ITSN1: variants seen among roughly 807,000 people sequenced by gnomAD.
ITSN1 encodes intersectin-1.
In ITSN1, 58 loss-of-function variants were observed where a neutral mutation model predicts 239.8. That is an observed-to-expected ratio of 0.24 (90% CI 0.20 to 0.30). ITSN1 has a LOEUF of 0.30. Ranked by LOEUF, ITSN1 falls within the 10% of genes least tolerant of loss-of-function variation. ITSN1 has a pLI of 1.00. For synonymous variants in ITSN1, 780 were observed against 770.8 expected (o/e 1.01, Z -0.20); for missense variants, 1,558 against 2,103.3 (o/e 0.74, Z 5.07).
intron 5 of ITSN1, among the ~76,000 whole-genome samples, chr21:33,736,692 A>G (rs1040133586): frequency 1.3e-5 from 2 of 152,198 alleles, no homozygotes; most frequent in Admixed American, 6.5e-5. Flanking sequence ...AAAATAATTC[A>G]AGGGTGTTTG....
intron 1 of ITSN1, among the ~76,000 whole-genome samples, chr21:33,664,413 A>G (rs1036515486): frequency 6.6e-6 from 1 of 152,168 alleles, no homozygotes; most frequent in Non-Finnish European, 1.5e-5. Context: ...CAGCCAGCTC[A>G]TGTGAGAACT....
chr21:33,671,685 C>T (rs376955942), intron 1 of ITSN1, among the ~76,000 whole-genome samples: 21 of 151,694 alleles, frequency 1.4e-4, no homozygotes, highest in Admixed American at 6.6e-4. Context: ...GCCTGTAATC[C>T]GAGCTACTCA....
rs950873983 is a variant in ITSN1, at chr21:33,799,839, A to G, written c.2214A>G (p.Glu738=). ...EKGPLTISAQ[E]NVKVVYYRAL... ...GTCCACTTACCATTTCTGCACAGGA[A>G]AATGTAAAAGTGGTGTATTACCGGG... Residue 738 remains glutamate (E), a synonymous_variant, in exon 19 of 40, where the codon GAA becomes GAG. Transcript: ENST00000381318. 2.5e-6 allele frequency: 4 copies of G among 1,614,034 alleles called. No individual in the cohort carries two copies. The highest frequency in any genetic ancestry group is 2.5e-6 in the Non-Finnish European group (3 of 1,179,956).
intron 28 of ITSN1, among the ~76,000 whole-genome samples, chr21:33,834,791 C>A (rs1294976145): frequency 1.3e-5 from 2 of 151,372 alleles, no homozygotes; most frequent in Non-Finnish European, 2.9e-5. Flanking sequence ...CGGCTGGGGT[C>A]TCAGTAGGTC....
chr21:33,743,390 C>T (rs1601953128), intron 5 of ITSN1, among the ~76,000 whole-genome samples: 2 of 152,150 alleles, frequency 1.3e-5, no homozygotes, highest in Non-Finnish European at 2.9e-5. Flanking sequence ...CGCTTGAACC[C>T]GGGAGGCAGA....
At position 33,870,181 on chromosome 21, in the gene ITSN1, T is replaced by A. The variant is rs191439577; in HGVS notation, c.4173+2850T>A. Among the ~76,000 whole-genome samples the A allele has an allele frequency of 2.6e-5, 4 of 152,346 alleles. 1 individual carries two copies. Among genetic ancestry groups the A allele is most frequent in the Admixed American group, 2.6e-4 (4 of 15,306 alleles). Reference sequence around the variant, plus strand: ...CTTTGGCTGAGTTAAATACTTAGTTTTGAAGTAAGTTTTCAACTTACTGTT... The same window carrying A: ...CTTTGGCTGAGTTAAATACTTAGTTATGAAGTAAGTTTTCAACTTACTGTT... On this transcript the variant is annotated intron_variant, in intron 33 of 39. Transcript: ENST00000381318.
intron 16 of ITSN1, among the ~76,000 whole-genome samples, chr21:33,790,344 A>G (rs1278649083): frequency 6.6e-6 from 1 of 151,716 alleles, no homozygotes; most frequent in Non-Finnish European, 1.5e-5. Context: ...TTTTTTCTGC[A>G]TAAGTATTTG....
chr21:33,804,708 T>C lies in ITSN1; in HGVS notation c.2319+2264T>C, dbSNP rs1376133793. Among the ~76,000 whole-genome samples, 3 of 152,210 alleles carry C rather than the reference T, an allele frequency of 2.0e-5. No individual in the cohort carries two copies. The East Asian group carries it at 5.8e-4, about 29-fold the overall frequency. On this transcript the variant is annotated intron_variant, in intron 20 of 39. Coordinates refer to ENST00000381318, the MANE Select transcript of ITSN1 (RefSeq NM_003024.3). Reference sequence around the variant, plus strand: ...ACATAAGAAATGAGAAGACCTATGCTCACTGCTGTTTTGTTGAAGTTTATC... The same window carrying C: ...ACATAAGAAATGAGAAGACCTATGCCCACTGCTGTTTTGTTGAAGTTTATC...
At chr21:33,771,587 A>G (rs548376829) in intron 11 of ITSN1, among the ~76,000 whole-genome samples, 6 of 152,240 alleles carry the variant, frequency 3.9e-5, no homozygotes, top group Non-Finnish European at 5.9e-5. Flanking sequence ...TGTGATCTCC[A>G]TAGGGATCAG....
intron 7 of ITSN1, among the ~76,000 whole-genome samples, chr21:33,754,834 G>A (rs2147534487): frequency 6.6e-6 from 1 of 152,266 alleles, no homozygotes; most frequent in South Asian, 2.1e-4. Flanking sequence ...ATTAAGAAAT[G>A]GGTCCTGTAT....
intron 33 of ITSN1, among the ~76,000 whole-genome samples, chr21:33,870,255 C>CT (rs1322705722): frequency 2.0e-5 from 3 of 152,296 alleles, no homozygotes; most frequent in South Asian, 2.1e-4. Context: ...CAGTACTTCT[C>CT]TTTTTTCTCC....
intron 16 of ITSN1, among the ~76,000 whole-genome samples, chr21:33,792,857 A>C (rs2186281): frequency 0.16 from 24,442 of 151,906 alleles, 2,682 homozygotes; most frequent in African/African-American, 0.28. Context: ...TAGGTTCCCT[A>C]CTGAAGCCCC....
At chr21:33,654,351 T>C (rs2088844868) in intron 1 of ITSN1, among the ~76,000 whole-genome samples, 1 of 151,886 alleles carries the variant, frequency 6.6e-6, no homozygotes, top group African/African-American at 2.4e-5. Flanking sequence ...CCGCTGCACC[T>C]GGCCTTTGAT....
At chr21:33,662,394 T>G (rs2089627183) in intron 1 of ITSN1, among the ~76,000 whole-genome samples, 1 of 152,212 alleles carries the variant, frequency 6.6e-6, no homozygotes, top group African/African-American at 2.4e-5. Flanking sequence ...ACATCCCTCT[T>G]GTGACTTAAA....
chr21:33,887,609 T>C (rs1280646279), intron 39 of ITSN1, among the ~76,000 whole-genome samples: 1 of 149,234 alleles, frequency 6.7e-6, no homozygotes, highest in Non-Finnish European at 1.5e-5. Flanking sequence ...ATTTTTTTTA[T>C]TTATTTATCT....
intron 26 of ITSN1, among the ~76,000 whole-genome samples, chr21:33,827,478 G>C (rs11702799): frequency 1.3e-5 from 2 of 152,066 alleles, no homozygotes; most frequent in African/African-American, 4.8e-5. Flanking sequence ...ATAATACATG[G>C]AGCTGTAGGA....
chr21:33,788,298 T>C (rs1274113585), intron 16 of ITSN1, among the ~76,000 whole-genome samples: 2 of 152,222 alleles, frequency 1.3e-5, no homozygotes, highest in Non-Finnish European at 2.9e-5. Flanking sequence ...CACACCTTGC[T>C]CCAATCTCCC....
chr21:33,688,061 AATC>A, intron 1 of ITSN1, among the ~76,000 whole-genome samples: 1 of 152,014 alleles, frequency 6.6e-6, no homozygotes, highest in South Asian at 2.1e-4. Context: ...GTTTTCAAAA[AATC>A]ATCACTGTTT....
chr21:33,778,571 CTTTTT>C (rs397948229), intron 14 of ITSN1, among the ~76,000 whole-genome samples: 4 of 63,942 alleles, frequency 6.3e-5, no homozygotes, highest in African/African-American at 2.3e-4. Context: ...ATAATATTCT[CTTTTT>C]TTTTTTTTTT....
Sources: allele counts gnomAD v4.1 joint callset (sites outside exome capture counted in the v4.1 genomes callset), GRCh38; gene constraint gnomAD v4.1.1; transcripts MANE v1.5; gene names NCBI Gene and HGNC (gene_info 2026-07-23, HGNC 2026-07-21).